The following TTC21B variants were observed in gnomAD, a reference collection of about 807,000 sequenced individuals.
The protein encoded by TTC21B is tetratricopeptide repeat protein 21B.
TTC21B carries 127 observed loss-of-function variants against 175.1 expected under a neutral mutation model. The observed-to-expected ratio is 0.73, with a 90% confidence interval of 0.63 to 0.84. TTC21B has a LOEUF of 0.84. TTC21B is among the 40% of genes least tolerant of loss of function. The pLI, the probability that TTC21B is intolerant of heterozygous loss-of-function variation, is 0.00. For missense variants in TTC21B, 1,561 were observed against 1,558.3 expected, an observed-to-expected ratio of 1.00 and a Z score of -0.03; for synonymous variants, 524 against 524.5, an observed-to-expected ratio of 1.00 and a Z score of 0.01.
intron 27 of TTC21B, among the ~76,000 whole-genome samples, chr2:165,878,775 G>A (rs377657717): frequency 1.4e-3 from 213 of 148,650 alleles, no homozygotes; most frequent in African/African-American, 5.0e-3. Flanking sequence ...TCCACCTCTC[G>A]GGTTCAAGCA....
intron 19 of TTC21B, among the ~76,000 whole-genome samples, chr2:165,903,555 C>G (rs1019253862): frequency 6.6e-6 from 1 of 152,158 alleles, no homozygotes; most frequent in Admixed American, 6.5e-5. Flanking sequence ...GGAAATGAGA[C>G]TGGGATCAAT....
At chr2:165,910,859 T>C (rs1685908790) in intron 18 of TTC21B, among the ~76,000 whole-genome samples, 1 of 152,100 alleles carries the variant, frequency 6.6e-6, no homozygotes, top group Non-Finnish European at 1.5e-5. Flanking sequence ...AAAATCACAT[T>C]ACACTTATAT....
chr2:165,890,088 G>A (rs1190639559), intron 24 of TTC21B, among the ~76,000 whole-genome samples: 1 of 152,184 alleles, frequency 6.6e-6, no homozygotes, highest in Non-Finnish European at 1.5e-5. Flanking sequence ...AAATGAGATA[G>A]TGTGTAGAAA....
In TTC21B at chr2:165,898,763, A is replaced by G. The variant is rs1685455406; in HGVS notation, c.2873T>C (p.Met958Thr). The G allele has an allele frequency of 6.2e-7, 1 of 1,607,860 alleles. No individual in the cohort carries two copies. Among genetic ancestry groups the G allele is most frequent in the Non-Finnish European group, 8.5e-7 (1 of 1,174,366 alleles). ...TTGTTTTCTGAACATGAGATCAGCC[A>G]TCATCTATAAAGATAAAAGTTGGTT... is the stretch of plus-strand genomic sequence containing the variant. ...DQDNEAATMM[M>T]ADLMFRKQDY... Residue 958 changes from methionine (M) to threonine (T), a missense_variant, in exon 22 of 29, where the codon ATG becomes ACG. Transcript: ENST00000243344.
At position 165,880,766 on chromosome 2, in the gene TTC21B, T is replaced by C. The variant is rs1420020895; in HGVS notation, c.3718A>G (p.Ile1240Val). Residue 1240 changes from isoleucine to valine, a missense_variant, in exon 27 of 29, where the codon ATT becomes GTT. Coordinates refer to ENST00000243344, the MANE Select transcript of TTC21B (RefSeq NM_024753.5). Reference protein sequence around the residue: ...CCKAYEYMGYIMEKEQAYTDA... With the variant: ...CCKAYEYMGYVMEKEQAYTDA... ...GTATATGCTTGCTCTTTTTCCATAA[T>C]GTATCCCATATATTCATAAGCTTTG... 2 of 1,613,216 alleles carry C rather than the reference T, an allele frequency of 1.2e-6. No homozygotes were observed. The highest frequency in any genetic ancestry group is 1.7e-6 in the Non-Finnish European group (2 of 1,179,720).
At chr2:165,903,989 T>A (rs773875485) in intron 19 of TTC21B, among the ~76,000 whole-genome samples, 2 of 152,184 alleles carry the variant, frequency 1.3e-5, no homozygotes, top group Non-Finnish European at 2.9e-5. Context: ...GGATCTAACA[T>A]ATAAACTCAA....
intron 25 of TTC21B, among the ~76,000 whole-genome samples, chr2:165,886,829 A>C (rs891818): frequency 0.98 from 149,957 of 152,266 alleles, 73,894 homozygotes; most frequent in Middle Eastern, 1. Flanking sequence ...TGACATGAGA[A>C]GCGCTTCCTC....
At chr2:165,923,259 T>A (rs929903803) in intron 12 of TTC21B, among the ~76,000 whole-genome samples, 9 of 151,936 alleles carry the variant, frequency 5.9e-5, no homozygotes, top group African/African-American at 2.2e-4. Flanking sequence ...AATAAAAAAA[T>A]AAAGAAAACA....
chr2:165,931,702 A>G (rs1686912739), intron 8 of TTC21B, 56 bp downstream of exon 8: 1 of 1,440,766 alleles, frequency 6.9e-7, no homozygotes, highest in African/African-American at 1.4e-5. Flanking sequence ...TTTTCCACTT[A>G]TTTTATGTCC....
At chr2:165,921,122 G>C (rs965867942) in intron 12 of TTC21B, among the ~76,000 whole-genome samples, 5 of 152,128 alleles carry the variant, frequency 3.3e-5, no homozygotes, top group Non-Finnish European at 7.4e-5. Context: ...GATAGTTTAT[G>C]CTAAAGATAT....
At chr2:165,888,550 TAC>T in intron 24 of TTC21B, 76 bp from the exon 25 acceptor site, 4 of 1,205,554 alleles carry the variant, frequency 3.3e-6, no homozygotes, top group Non-Finnish European at 4.8e-6. Flanking sequence ...TCAGCTTTTG[TAC>T]ACAAAAGCTC....
intron 25 of TTC21B, among the ~76,000 whole-genome samples, chr2:165,887,853 G>A (rs1685060959): frequency 6.6e-6 from 1 of 152,164 alleles, no homozygotes. Context: ...TAAGCTATCA[G>A]TATTGATCTC....
At chr2:165,943,588 T>C (rs1270470280) in intron 4 of TTC21B, among the ~76,000 whole-genome samples, 1 of 152,184 alleles carries the variant, frequency 6.6e-6, no homozygotes, top group Non-Finnish European at 1.5e-5. Context: ...AAGAAGCTTA[T>C]CAAATATTCC....
intron 24 of TTC21B, among the ~76,000 whole-genome samples, chr2:165,889,957 C>T (rs912508799): frequency 6.6e-6 from 1 of 152,110 alleles, no homozygotes; most frequent in African/African-American, 2.4e-5. Flanking sequence ...TGATAAATAA[C>T]CATTGACTAG....
chr2:165,907,413 A>G (rs1217579164), intron 19 of TTC21B, among the ~76,000 whole-genome samples: 2 of 152,236 alleles, frequency 1.3e-5, no homozygotes, highest in Admixed American at 1.3e-4. Flanking sequence ...TCCTGATGAC[A>G]CTATTCATAT....
At chr2:165,899,932 A>G in intron 20 of TTC21B, 52 bp from the exon 21 acceptor site, 1 of 1,074,644 alleles carries the variant, frequency 9.3e-7, no homozygotes, top group African/African-American at 1.6e-5. Context: ...TAAAAAGTCA[A>G]TGAGGAAAAT....
In TTC21B at chr2:165,949,386, TATC is replaced by T; in HGVS notation, c.262+5_262+7del. 6.3e-7 allele frequency: 1 copy of T among 1,591,910 alleles called. No individual in the cohort carries two copies. Among genetic ancestry groups the T allele is most frequent in the Non-Finnish European group, 8.6e-7 (1 of 1,159,894 alleles). On this transcript the variant is annotated splice_donor_5th_base_variant and intron_variant, in intron 3 of 28. Transcript: ENST00000243344. ...AAATGTCCTAAGCATTGCATTTAAA[TATC>T]ATACCTGGATTAGGACTCATTTTAT...
chr2:165,932,906 T>C lies in TTC21B; in HGVS notation c.795+67A>G, dbSNP rs1574125051. 61 of 1,301,108 alleles carry C rather than the reference T, an allele frequency of 4.7e-5. 1 individual carries two copies. The South Asian group carries it at 6.9e-4, about 15-fold the overall frequency. The allele number at this position is 1,301,108 out of a possible 1,614,324, so 80.6% of individuals were successfully genotyped here. ...TTTAATGTATATGCACATGCACACA[T>C]GGGTGTGTATGTGTAATGAAATATA... On this transcript the variant is annotated intron_variant, in intron 7 of 28. Transcript: ENST00000243344.
intron 15 of TTC21B, among the ~76,000 whole-genome samples, chr2:165,914,684 T>TGTGTGTGTGTGTGTGTGCGCGCGCGC (rs1559056051): frequency 6.6e-6 from 1 of 150,992 alleles, no homozygotes; most frequent in African/African-American, 2.4e-5. Context: ...TGTGTGTGTG[T>TGTGTGTGTGTGTGTGTGCGCGCGCGC]GTGTGTGTGT....
Sources: gnomAD v4.1 joint callset for allele counts (sites outside exome capture counted in the v4.1 genomes callset) on GRCh38, gnomAD v4.1.1 for gene constraint, MANE v1.5 for transcripts, NCBI Gene and HGNC (gene_info 2026-07-23, HGNC 2026-07-21) for gene names.